FHL3: variants seen among roughly 807,000 people sequenced by gnomAD.
FHL3 encodes four and a half LIM domains 3.
Under a neutral mutation model 34.3 loss-of-function variants are expected in FHL3, and 21 were observed. The ratio of observed to expected loss-of-function variants is 0.61; its 90% CI spans 0.43 to 0.88. The LOEUF (loss-of-function observed/expected upper bound fraction) is 0.88. FHL3 is among the 40% of genes least tolerant of loss of function. FHL3 has a pLI of 0.00. For missense variants in FHL3, 333 were observed against 373.7 expected (o/e 0.89, Z 0.90); for synonymous variants, 137 against 144.6 (o/e 0.95, Z 0.38).
chr1:38,004,549 GTC>G (rs1336714997), intron 1 of FHL3, among the ~76,000 whole-genome samples: 1 of 152,134 alleles, frequency 6.6e-6, no homozygotes, highest in Non-Finnish European at 1.5e-5. Context: ...GCACACTTCA[GTC>G]TCTGTCTTTA....
rs373264480 is a variant in FHL3, at chr1:37,999,008, C to G, written c.297G>C (p.Ser99=). 1 of 1,614,216 alleles carries G rather than the reference C, an allele frequency of 6.2e-7. No individual in the cohort carries two copies. ...CNDCYCSAFS[S]QCSACGETVM... Reference sequence around the variant, plus strand: ...CAGTCTCCCCACAAGCGGAGCACTGCGAGGAAAACGCACTGCAGTAGCAGT... The same window carrying G: ...CAGTCTCCCCACAAGCGGAGCACTGGGAGGAAAACGCACTGCAGTAGCAGT... Residue 99 remains serine, a synonymous_variant, in exon 3 of 6, where the codon TCG becomes TCC. Coordinates refer to ENST00000373016, the MANE Select transcript of FHL3 (RefSeq NM_004468.5).
At chr1:38,002,152 A>G (rs1055300115) in intron 1 of FHL3, among the ~76,000 whole-genome samples, 8 of 149,866 alleles carry the variant, frequency 5.3e-5, no homozygotes, top group South Asian at 2.1e-4. Flanking sequence ...AGGCTGGGGT[A>G]CAGTGGCGCA....
Position 37,997,658 on chromosome 1 carries a change from A to G in FHL3, c.688+26T>C. 6.2e-7 allele frequency: 1 copy of G among 1,613,026 alleles called. No individual in the cohort carries two copies. Among genetic ancestry groups the G allele is most frequent in the Non-Finnish European group, 8.5e-7 (1 of 1,179,490 alleles). Reference sequence around the variant, plus strand: ...CCACTCCCTTGCCTGCACCCTACCCACTCCGTTCTTTGACCCTTGTCCCAC... The same window carrying G: ...CCACTCCCTTGCCTGCACCCTACCCGCTCCGTTCTTTGACCCTTGTCCCAC... On this transcript the variant is annotated intron_variant, in intron 5 of 5. Coordinates refer to ENST00000373016, the MANE Select transcript of FHL3 (RefSeq NM_004468.5). This position sits in a 1 kb window ranked among gnomAD's most constrained non-coding sequence, Gnocchi z 4.3.
In FHL3 at chr1:37,997,313, G is replaced by T; in HGVS notation, c.*92C>A. Reference sequence around the variant, plus strand: ...GCCCAGAAGGAGACCCATTTTTTTTGGCGGGGGGAGCTGAGTCCCAGAGGT... The same window carrying T: ...GCCCAGAAGGAGACCCATTTTTTTTTGCGGGGGGAGCTGAGTCCCAGAGGT... On this transcript the variant is annotated 3_prime_UTR_variant, in exon 6 of 6. Coordinates refer to ENST00000373016, the MANE Select transcript of FHL3 (RefSeq NM_004468.5). The surrounding 1 kb of genome is among the most constrained non-coding windows in gnomAD (Gnocchi z 4.3). The T allele has an allele frequency of 2.9e-6, 4 of 1,381,470 alleles. No homozygotes were observed. Among genetic ancestry groups the T allele is most frequent in the Non-Finnish European group, 3.9e-6 (4 of 1,016,322 alleles). 85.6% of individuals were successfully genotyped at this position (1,381,470 alleles called of 1,614,324 possible). A position where few individuals can be genotyped will look rare whatever the true frequency, so the allele number is the denominator to read the frequency against.
intron 3 of FHL3, chr1:37,998,632 C>T (rs1646560320): frequency 6.5e-6 from 2 of 309,574 alleles, no homozygotes; most frequent in South Asian, 8.4e-5. Flanking sequence ...GCATGCAGGT[C>T]CCCACACATG....
At chr1:37,999,817 C>G (rs934108164) in intron 1 of FHL3, among the ~76,000 whole-genome samples, 3 of 152,190 alleles carry the variant, frequency 2.0e-5, no homozygotes, top group African/African-American at 7.2e-5. Flanking sequence ...CCACTCTACT[C>G]CTTATGAGCA....
Position 37,997,889 on chromosome 1 carries a change from TTAG to T in FHL3, c.502-22_502-20del. ...TCAGCGTCTGTGGGGGCAGCATCCA[TTAG>T]TAGGTATGAGTGGGGATTCCCACCC... On this transcript the variant is annotated intron_variant, in intron 4 of 5. Coordinates refer to ENST00000373016, the MANE Select transcript of FHL3 (RefSeq NM_004468.5). This position sits in a 1 kb window ranked among gnomAD's most constrained non-coding sequence, Gnocchi z 4.3. The T allele has an allele frequency of 1.2e-6, 2 of 1,613,602 alleles. No homozygotes were observed. Among genetic ancestry groups the T allele is most frequent in the Non-Finnish European group, 1.7e-6 (2 of 1,179,630 alleles).
intron 3 of FHL3, chr1:37,998,638 A>G: frequency 3.2e-6 from 1 of 316,146 alleles, no homozygotes; most frequent in East Asian, 6.6e-5. Context: ...AGGTCCCCAC[A>G]CATGTTAAGC....
intron 1 of FHL3, among the ~76,000 whole-genome samples, chr1:38,001,736 A>C (rs1646597449): frequency 6.6e-6 from 1 of 152,140 alleles, no homozygotes; most frequent in African/African-American, 2.4e-5. Flanking sequence ...TGCACCTCCA[A>C]CAATCTCCCC....
chr1:38,004,750 C>T (rs1646626953), intron 1 of FHL3, among the ~76,000 whole-genome samples: 2 of 152,224 alleles, frequency 1.3e-5, no homozygotes, highest in Admixed American at 1.3e-4. Flanking sequence ...TCTCTAGTCT[C>T]TGAGCGTCTC....
chr1:38,004,755 C>A (rs555546766), intron 1 of FHL3, among the ~76,000 whole-genome samples: 2 of 152,316 alleles, frequency 1.3e-5, no homozygotes, highest in East Asian at 1.9e-4. Flanking sequence ...AGTCTCTGAG[C>A]GTCTCTGCAG....
At chr1:38,000,788 C>T (rs932836620) in intron 1 of FHL3, among the ~76,000 whole-genome samples, 1 of 152,048 alleles carries the variant, frequency 6.6e-6, no homozygotes, top group Non-Finnish European at 1.5e-5. Flanking sequence ...GAAGGCTGCT[C>T]TCTAAGGGCT....
chr1:38,001,067 C>G (rs911730230), intron 1 of FHL3, among the ~76,000 whole-genome samples: 1 of 152,226 alleles, frequency 6.6e-6, no homozygotes, highest in East Asian at 1.9e-4. Flanking sequence ...CCAGCAGATG[C>G]CCCCAGCTTG....
At position 37,997,659 on chromosome 1, in the gene FHL3, C is replaced by T; in HGVS notation, c.688+25G>A. ...CACTCCCTTGCCTGCACCCTACCCACTCCGTTCTTTGACCCTTGTCCCACC... is the reference window on the plus strand; with the variant it reads ...CACTCCCTTGCCTGCACCCTACCCATTCCGTTCTTTGACCCTTGTCCCACC... On this transcript the variant is annotated intron_variant, in intron 5 of 5. Coordinates refer to ENST00000373016, the MANE Select transcript of FHL3 (RefSeq NM_004468.5). The surrounding 1 kb of genome is among the most constrained non-coding windows in gnomAD (Gnocchi z 4.3). The T allele has an allele frequency of 6.2e-7, 1 of 1,613,572 alleles. No individual in the cohort carries two copies.
rs1350614509 is a variant in FHL3 at position 38,005,482 on chromosome 1, GC to G, written c.-147del. ...GGGGGCCGAGCGAGCTGCCGGCGAG[GC>G]TGCCGACTGCAGACGGACCGTGTGG... On this transcript the variant is annotated 5_prime_UTR_variant, in exon 1 of 6. Transcript: ENST00000373016. 21 of 150,444 alleles carry G rather than the reference GC, an allele frequency of 1.4e-4. No homozygotes were observed. Among genetic ancestry groups the G allele is most frequent in the African/African-American group, 5.1e-4 (21 of 41,364 alleles). 9.3% of individuals were successfully genotyped at this position (150,444 alleles called of 1,614,324 possible). A position where few individuals can be genotyped will look rare whatever the true frequency, so the allele number is the denominator to read the frequency against.
intron 1 of FHL3, among the ~76,000 whole-genome samples, chr1:38,000,595 C>T (rs1265651983): frequency 6.6e-6 from 1 of 152,176 alleles, no homozygotes; most frequent in Non-Finnish European, 1.5e-5. Flanking sequence ...AAACCTCAGA[C>T]ACTTTCCATT....
Position 37,997,956 on chromosome 1 carries a change from C to G in FHL3, c.501+7G>C, listed in dbSNP as rs1646552311. On this transcript the variant is annotated splice_region_variant and intron_variant, in intron 4 of 5. Transcript: ENST00000373016. The surrounding 1 kb of genome is among the most constrained non-coding windows in gnomAD (Gnocchi z 4.3). Reference sequence around the variant, plus strand: ...ACTCACCCCCACCTGGCTGGCCCAGCCCCCACCTTGCTGCAGCGGGCGCAG... The same window carrying G: ...ACTCACCCCCACCTGGCTGGCCCAGGCCCCACCTTGCTGCAGCGGGCGCAG... The G allele has an allele frequency of 6.2e-7, 1 of 1,613,994 alleles. No individual in the cohort carries two copies. The highest frequency in any genetic ancestry group is 1.1e-5 in the South Asian group (1 of 91,088).
chr1:38,000,109 C>A (rs1267697207), intron 1 of FHL3, among the ~76,000 whole-genome samples: 1 of 152,218 alleles, frequency 6.6e-6, no homozygotes, highest in Non-Finnish European at 1.5e-5. Context: ...GCAAGCTGGA[C>A]ACAGCCAGTC....
At chr1:38,001,686 G>A (rs1452037099) in intron 1 of FHL3, among the ~76,000 whole-genome samples, 1 of 152,192 alleles carries the variant, frequency 6.6e-6, no homozygotes, top group African/African-American at 2.4e-5. Flanking sequence ...GTGGGGCGGG[G>A]TTTGGGGGAG....
Sources: gnomAD v4.1 joint callset for allele counts (sites outside exome capture counted in the v4.1 genomes callset) on GRCh38, gnomAD v4.1.1 for gene constraint, Gnocchi (gnomAD v3.1) non-coding constraint, MANE v1.5 for transcripts, NCBI Gene and HGNC (gene_info 2026-07-23, HGNC 2026-07-21) for gene names.